Variants in DNER observed in about 807,000 individuals in gnomAD.
DNER encodes the protein delta/notch like EGF repeat containing.
In DNER, 33 loss-of-function variants were observed where a neutral mutation model predicts 78.2. The ratio of observed to expected loss-of-function variants is 0.42; its 90% CI spans 0.32 to 0.56. The LOEUF (loss-of-function observed/expected upper bound fraction) is 0.56. Among genes scored for constraint, DNER ranks in the 20% least tolerant of loss-of-function variants. The probability of loss-of-function intolerance (pLI) is 0.11; values close to 1 mark genes in which losing one functional copy is unlikely to be tolerated. For synonymous variants in DNER, 417 were observed against 384.8 expected (o/e 1.08, Z -0.98); for missense variants, 918 against 975.3 (o/e 0.94, Z 0.78).
intron 8 of DNER, among the ~76,000 whole-genome samples, chr2:229,425,330 C>T (rs1693849438): frequency 6.6e-6 from 1 of 152,112 alleles, no homozygotes; most frequent in East Asian, 1.9e-4. Context: ...TCTCTGTGCC[C>T]CCTATGAAGC....
chr2:229,549,634 G>A (rs369287802), intron 4 of DNER, among the ~76,000 whole-genome samples: 30 of 152,230 alleles, frequency 2.0e-4, no homozygotes, highest in Middle Eastern at 3.4e-3. Flanking sequence ...AACATAGGCC[G>A]GGCATGGTGG....
chr2:229,513,825 A>T (rs6735195), intron 5 of DNER, among the ~76,000 whole-genome samples: 1 of 152,052 alleles, frequency 6.6e-6, no homozygotes. Context: ...CTCATCTCCA[A>T]GCCTGGCACA....
At chr2:229,575,231 A>G (rs942717300) in intron 4 of DNER, among the ~76,000 whole-genome samples, 1 of 152,126 alleles carries the variant, frequency 6.6e-6, no homozygotes, top group African/African-American at 2.4e-5. Context: ...AGGAGAATTT[A>G]TGGCTTTGAA....
chr2:229,514,463 C>G (rs1365997298), intron 5 of DNER, among the ~76,000 whole-genome samples: 1 of 152,196 alleles, frequency 6.6e-6, no homozygotes, highest in Non-Finnish European at 1.5e-5. Flanking sequence ...GTTGGAATGA[C>G]TGTGAAATTT....
At chr2:229,532,877 G>C (rs1189455066) in intron 5 of DNER, among the ~76,000 whole-genome samples, 1 of 152,204 alleles carries the variant, frequency 6.6e-6, no homozygotes, top group African/African-American at 2.4e-5. Context: ...GAAGGAAAAG[G>C]AGAGAAAGTG....
At chr2:229,712,947 T>A (rs1018266424) in intron 1 of DNER, among the ~76,000 whole-genome samples, 1 of 152,194 alleles carries the variant, frequency 6.6e-6, no homozygotes, top group Admixed American at 6.5e-5. Flanking sequence ...CAAGGTCAAG[T>A]TTCTCAATCC....
intron 1 of DNER, among the ~76,000 whole-genome samples, chr2:229,696,818 G>A (rs959992985): frequency 6.6e-6 from 1 of 152,156 alleles, no homozygotes; most frequent in South Asian, 2.1e-4. Flanking sequence ...TATCACCCAG[G>A]TAACGACAGT....
chr2:229,651,424 C>G (rs1698815179), intron 1 of DNER, among the ~76,000 whole-genome samples: 1 of 152,196 alleles, frequency 6.6e-6, no homozygotes, highest in Non-Finnish European at 1.5e-5. Context: ...GTGTCCTCTC[C>G]CAAGCTCTGG....
intron 1 of DNER, among the ~76,000 whole-genome samples, chr2:229,657,161 C>G (rs563744946): frequency 6.6e-6 from 1 of 151,902 alleles, no homozygotes; most frequent in Admixed American, 6.6e-5. Flanking sequence ...TTTCCCCACC[C>G]CTCAGAACCA....
intron 7 of DNER, among the ~76,000 whole-genome samples, chr2:229,469,235 A>G (rs1694870696): frequency 6.6e-6 from 1 of 152,190 alleles, no homozygotes; most frequent in East Asian, 1.9e-4. Context: ...GTGTACATCC[A>G]AATAGCTACC....
chr2:229,683,636 T>A (rs1699426398), intron 1 of DNER, among the ~76,000 whole-genome samples: 1 of 152,110 alleles, frequency 6.6e-6, no homozygotes, highest in Non-Finnish European at 1.5e-5. Flanking sequence ...ATGGTGACGA[T>A]GATGATGATG....
chr2:229,548,078 C>A (rs1417595917), intron 4 of DNER, among the ~76,000 whole-genome samples: 1 of 152,142 alleles, frequency 6.6e-6, no homozygotes, highest in Non-Finnish European at 1.5e-5. Flanking sequence ...AAAGCCTCAT[C>A]ATTACAAAGC....
At chr2:229,427,707 C>T (rs1363702190) in intron 8 of DNER, among the ~76,000 whole-genome samples, 5 of 152,038 alleles carry the variant, frequency 3.3e-5, no homozygotes, top group South Asian at 2.1e-4. Context: ...AAAAGACCCA[C>T]GGTAGAGGGA....
intron 1 of DNER, among the ~76,000 whole-genome samples, chr2:229,687,988 G>C (rs1009459210): frequency 2.6e-5 from 4 of 152,204 alleles, no homozygotes; most frequent in Non-Finnish European, 5.9e-5. Flanking sequence ...TTGTGGCATA[G>C]AATCTATGCC....
rs1465510570 is a variant in DNER at position 229,357,859 on chromosome 2, A to G, written c.*681T>C. ...ACAATATAGAACCCTTGACTTTTTA[A>G]AGAAAAATATAGATTCAAATCAATC... is the stretch of plus-strand genomic sequence containing the variant. On this transcript the variant is annotated 3_prime_UTR_variant, in exon 13 of 13. Transcript: ENST00000341772. 1 of 152,512 alleles carries G rather than the reference A, an allele frequency of 6.6e-6. No homozygotes were observed. The highest frequency in any genetic ancestry group is 1.5e-5 in the Non-Finnish European group (1 of 68,042). The allele number at this position is 152,512 out of a possible 1,614,324, so 9.4% of individuals were successfully genotyped here.
intron 11 of DNER, among the ~76,000 whole-genome samples, chr2:229,368,040 GA>G (rs777691844): frequency 5.3e-5 from 8 of 152,008 alleles, no homozygotes; most frequent in Non-Finnish European, 8.8e-5. Context: ...TTTTTCTTTA[GA>G]TTTTTTTTCA....
intron 1 of DNER, among the ~76,000 whole-genome samples, chr2:229,681,609 C>T (rs1290445477): frequency 1.3e-5 from 2 of 152,182 alleles, no homozygotes; most frequent in Non-Finnish European, 2.9e-5. Flanking sequence ...CAAGTAAATT[C>T]CATATCCTTT....
intron 6 of DNER, among the ~76,000 whole-genome samples, chr2:229,498,525 C>T (rs1026707921): frequency 6.6e-6 from 1 of 152,040 alleles, no homozygotes. Context: ...TATTTAAAAC[C>T]CCACAAAAGG....
intron 8 of DNER, among the ~76,000 whole-genome samples, chr2:229,423,109 T>C (rs1426457555): frequency 6.6e-6 from 1 of 152,102 alleles, no homozygotes; most frequent in Non-Finnish European, 1.5e-5. Flanking sequence ...TATGCAATGA[T>C]TGGAGGGTTC....
Sources: allele counts gnomAD v4.1 joint callset (sites outside exome capture counted in the v4.1 genomes callset), GRCh38; gene constraint gnomAD v4.1.1; transcripts MANE v1.5; gene names NCBI Gene and HGNC (gene_info 2026-07-23, HGNC 2026-07-21).